Variants in AFF2 observed in about 807,000 individuals in gnomAD.
AFF2 encodes AF4/FMR2 family member 2.
Under a neutral mutation model 76.9 loss-of-function variants are expected in AFF2, and 14 were observed. That is an observed-to-expected ratio of 0.18 (90% CI 0.12 to 0.28). The LOEUF (loss-of-function observed/expected upper bound fraction) is 0.28. Among genes scored for constraint, AFF2 ranks in the 10% least tolerant of loss-of-function variants. AFF2 has a pLI of 1.00. For missense variants in AFF2, 868 were observed against 1,001.1 expected, an observed-to-expected ratio of 0.87 and a Z score of 1.79; for synonymous variants, 398 against 366.7, an observed-to-expected ratio of 1.09 and a Z score of -0.98.
chrX:148,953,089 A>T (rs2124352070), intron 9 of AFF2, among the ~76,000 whole-genome samples: 1 of 111,806 alleles, frequency 8.9e-6, no homozygotes, highest in East Asian at 2.8e-4. Flanking sequence ...TCCTCTAATT[A>T]AAATGATAAT....
intron 7 of AFF2, among the ~76,000 whole-genome samples, chrX:148,864,465 A>G (rs1433629859): frequency 1.8e-5 from 2 of 111,779 alleles, no homozygotes; most frequent in African/African-American, 6.5e-5. Flanking sequence ...CACAAACACA[A>G]CCATATAAAC....
Position 148,962,834 on chromosome X carries a change from T to C in AFF2, c.2810T>C (p.Phe937Ser). 7 of 1,210,490 alleles carry C rather than the reference T, an allele frequency of 5.8e-6. No individual in the cohort carries two copies. Among genetic ancestry groups the C allele is most frequent in the Non-Finnish European group, 7.8e-6 (7 of 894,264 alleles). ...RRNVSGNNGP[F>S]GQDKNIAMTG... ...AATGTCAGTGGCAATAATGGTCCCT[T>C]TGGTCAAGACAAAAACATCGCCATG... The change falls in exon 13 of 21, where the codon TTT (phenylalanine) becomes TCT (serine). Residue 937 changes from phenylalanine (F) to serine (S), a missense_variant. Transcript: ENST00000370460.
Position 148,598,922 on chromosome X carries a change from C to T in AFF2, c.48-53077C>T, listed in dbSNP as rs143040556. 6.0e-3 allele frequency among the ~76,000 whole-genome samples: 672 copies of T among 112,313 alleles called. 1 individual carries two copies. The highest frequency in any genetic ancestry group is 0.01 in the Non-Finnish European group (534 of 53,238). ...CAGATTTATTTCATTTCATGTTTCC[C>T]TTCTGTCGGGCTAAATAATTATGGT... On this transcript the variant is annotated intron_variant, in intron 1 of 20. Transcript: ENST00000370460.
At position 148,662,445 on chromosome X, in the gene AFF2, G is replaced by C. The variant is rs782643786; in HGVS notation, c.718G>C (p.Glu240Gln). The C allele has an allele frequency of 1.7e-6, 2 of 1,211,724 alleles. No homozygotes were observed. The highest frequency in any genetic ancestry group is 4.3e-5 in the Admixed American group (2 of 46,042). Reference protein sequence around the residue: ...FKEIFQSNSPEESEFAVQAPG... With the variant: ...FKEIFQSNSPQESEFAVQAPG... ...AGAAATCTTTCAATCCAATTCACCG[G>C]AAGAATCTGAATTCGCCGTGCAAGC... The change falls in exon 3 of 21, where the codon GAA becomes CAA. Residue 240 changes from glutamate to glutamine, a missense_variant. Glu to Gln is a conservative substitution (Grantham distance 29). Around this residue, in one of 6 missense-constraint regions of AFF2, gnomAD observed 196 missense variants for 194.8 expected, o/e 1.01. Coordinates refer to ENST00000370460, the MANE Select transcript of AFF2 (RefSeq NM_002025.4).
intron 9 of AFF2, among the ~76,000 whole-genome samples, chrX:148,916,484 A>C (rs971012465): frequency 1.8e-5 from 2 of 110,557 alleles, no homozygotes; most frequent in Non-Finnish European, 3.8e-5. Flanking sequence ...TGCTGGGATT[A>C]CAGGCTTGAG....
At chrX:148,744,938 A>T (rs1324354504) in intron 3 of AFF2, among the ~76,000 whole-genome samples, 1 of 111,124 alleles carries the variant, frequency 9.0e-6, no homozygotes, top group Non-Finnish European at 1.9e-5. Context: ...TGAGGGAAGG[A>T]TTCAATGAAG....
intron 1 of AFF2, among the ~76,000 whole-genome samples, chrX:148,638,107 T>C (rs2054050775): frequency 1.8e-5 from 2 of 111,663 alleles, no homozygotes; most frequent in Admixed American, 9.5e-5. Context: ...ACAATTATGA[T>C]CTATTAGCTA....
rs2072533245 is a variant in AFF2 at position 148,991,499 on chromosome X, T to C, written c.*167T>C. 5.1e-6 allele frequency: 3 copies of C among 586,240 alleles called. No individual in the cohort carries two copies. The Admixed American group carries it at 1.3e-4, about 26-fold the overall frequency. The allele number at this position is 586,240 out of a possible 1,213,427, so 48.3% of individuals were successfully genotyped here. On this transcript the variant is annotated 3_prime_UTR_variant, in exon 21 of 21. Transcript: ENST00000370460. Reference sequence around the variant, plus strand: ...AACAGAAGTCATTGTAAGTTGACACTACAACTTAAGGGCAGTGTACGTTTT... The same window carrying C: ...AACAGAAGTCATTGTAAGTTGACACCACAACTTAAGGGCAGTGTACGTTTT...
At chrX:148,551,482 G>GAAAAAAAAAAA (rs781883999) in intron 1 of AFF2, among the ~76,000 whole-genome samples, 6 of 37,996 alleles carry the variant, frequency 1.6e-4, no homozygotes, top group East Asian at 1.6e-3. Flanking sequence ...GCTGGGAAGT[G>GAAAAAAAAAAA]AAAAAAAAAA....
chrX:148,731,901 A>C (rs1371746307), intron 3 of AFF2, among the ~76,000 whole-genome samples: 1 of 70,337 alleles, frequency 1.4e-5, no homozygotes, highest in Admixed American at 1.6e-4. Flanking sequence ...TTAGAATGGC[A>C]ATCATTAAAA....
intron 1 of AFF2, among the ~76,000 whole-genome samples, chrX:148,585,140 G>A (rs782398183): frequency 3.6e-5 from 4 of 111,582 alleles, no homozygotes; most frequent in Non-Finnish European, 5.6e-5. Context: ...GAATGTCTGA[G>A]GATGAGTTAG....
At chrX:148,700,667 A>G (rs1332605844) in intron 3 of AFF2, among the ~76,000 whole-genome samples, 2 of 110,948 alleles carry the variant, frequency 1.8e-5, no homozygotes, top group African/African-American at 6.6e-5. Context: ...ACAGAAAAGC[A>G]TTAAAAATTG....
At chrX:148,664,967 G>A (rs1301452067) in intron 3 of AFF2, among the ~76,000 whole-genome samples, 1 of 112,114 alleles carries the variant, frequency 8.9e-6, no homozygotes, top group South Asian at 3.7e-4. Flanking sequence ...AATCAAAAAA[G>A]AGATCTGCTT....
intron 3 of AFF2, among the ~76,000 whole-genome samples, chrX:148,710,113 T>C (rs1448189237): frequency 8.9e-6 from 1 of 111,838 alleles, no homozygotes; most frequent in African/African-American, 3.2e-5. Flanking sequence ...TAAAGTAAAT[T>C]GCCCAAAGCC....
intron 3 of AFF2, among the ~76,000 whole-genome samples, chrX:148,728,752 G>A (rs185021066): frequency 1.5e-4 from 17 of 112,082 alleles, no homozygotes; most frequent in Non-Finnish European, 1.5e-4. Context: ...CTAGTTACAT[G>A]CAGGTCTGGA....
At chrX:148,617,259 C>T (rs1358914944) in intron 1 of AFF2, among the ~76,000 whole-genome samples, 12 of 111,649 alleles carry the variant, frequency 1.1e-4, no homozygotes, top group African/African-American at 2.9e-4. Context: ...TTTTAATGAT[C>T]GCCATTCTAA....
intron 5 of AFF2, among the ~76,000 whole-genome samples, chrX:148,842,250 C>A (rs1557274326): frequency 8.9e-6 from 1 of 112,314 alleles, no homozygotes; most frequent in Non-Finnish European, 1.9e-5. Flanking sequence ...TGTCAGTATC[C>A]ACACAGGTGT....
chrX:148,651,438 A>G (rs1175053893), intron 1 of AFF2, among the ~76,000 whole-genome samples: 4 of 112,154 alleles, frequency 3.6e-5, no homozygotes, highest in Non-Finnish European at 5.6e-5. Flanking sequence ...CAACAACCAA[A>G]CACAAAGAAG....
At chrX:148,757,876 G>A (rs1349942785) in intron 3 of AFF2, among the ~76,000 whole-genome samples, 1 of 112,054 alleles carries the variant, frequency 8.9e-6, no homozygotes, top group Admixed American at 9.5e-5. Context: ...AAGAGAACCA[G>A]CAATATCAAA....
Sources: gnomAD v4.1 joint callset for allele counts (sites outside exome capture counted in the v4.1 genomes callset) on GRCh38, gnomAD v4.1.1 for gene constraint, gnomAD v4.1.1 regional missense constraint, MANE v1.5 for transcripts, NCBI Gene and HGNC (gene_info 2026-07-23, HGNC 2026-07-21) for gene names.